The following LRRC4C variants were observed in gnomAD, a reference collection of about 807,000 sequenced individuals.
The protein encoded by LRRC4C is leucine-rich repeat-containing protein 4C.
Under a neutral mutation model 33.6 loss-of-function variants are expected in LRRC4C, and 5 were observed. That is an observed-to-expected ratio of 0.15 (90% CI 0.08 to 0.31). The LOEUF is 0.31. LRRC4C is among the 10% of genes least tolerant of loss of function. The probability of loss-of-function intolerance (pLI) is 1.00; values close to 1 mark genes in which losing one functional copy is unlikely to be tolerated. For missense variants in LRRC4C, 560 were observed against 796.7 expected (o/e 0.70, Z 3.58); for synonymous variants, 329 against 302.0 (o/e 1.09, Z -0.93).
intron 3 of LRRC4C, among the ~76,000 whole-genome samples, chr11:40,635,628 A>ATTTTTTTTTTTTTTT (rs71060975): frequency 1.1e-5 from 1 of 92,198 alleles, no homozygotes; most frequent in African/African-American, 4.0e-5. Flanking sequence ...AAAGAACCAA[A>ATTTTTTTTTTTTTTT]TTTTTTTTTT....
chr11:41,439,083 T>C (rs1955531348), intron 1 of LRRC4C, among the ~76,000 whole-genome samples: 1 of 152,160 alleles, frequency 6.6e-6, no homozygotes, highest in Non-Finnish European at 1.5e-5. Flanking sequence ...GAGTCTCCAA[T>C]GTCTATTATG....
intron 1 of LRRC4C, among the ~76,000 whole-genome samples, chr11:41,138,305 A>G (rs1056134080): frequency 1.3e-5 from 2 of 152,198 alleles, no homozygotes; most frequent in African/African-American, 4.8e-5. Flanking sequence ...TCCAGCACCT[A>G]TGGTTGTGGG....
At chr11:40,647,954 C>T (rs529317591) in intron 3 of LRRC4C, among the ~76,000 whole-genome samples, 188 bp downstream of exon 3, 7 of 152,178 alleles carry the variant, frequency 4.6e-5, no homozygotes, top group Admixed American at 4.6e-4. Flanking sequence ...GACTGAAGCC[C>T]AAATGAACAA....
intron 1 of LRRC4C, among the ~76,000 whole-genome samples, chr11:41,209,475 A>G (rs888526528): frequency 1.3e-5 from 2 of 151,596 alleles, no homozygotes; most frequent in Non-Finnish European, 2.9e-5. Flanking sequence ...GGTCTAATAT[A>G]TATTTGATTT....
intron 1 of LRRC4C, among the ~76,000 whole-genome samples, chr11:41,200,738 C>G (rs931680541): frequency 6.6e-6 from 1 of 152,052 alleles, no homozygotes; most frequent in Non-Finnish European, 1.5e-5. Context: ...TATGGCCCCC[C>G]CAAAAACTAT....
At chr11:40,692,806 T>C (rs1945285982) in intron 2 of LRRC4C, among the ~76,000 whole-genome samples, 1 of 152,130 alleles carries the variant, frequency 6.6e-6, no homozygotes, top group South Asian at 2.1e-4. Flanking sequence ...TATAGGGTGA[T>C]GTGAATTCCA....
chr11:40,589,274 G>C (rs1313409087), intron 3 of LRRC4C, among the ~76,000 whole-genome samples: 2 of 152,068 alleles, frequency 1.3e-5, no homozygotes, highest in African/African-American at 2.4e-5. Context: ...TTTAAAGTCT[G>C]TTTTATCAGA....
chr11:40,784,984 C>G (rs1475508320), intron 2 of LRRC4C, among the ~76,000 whole-genome samples: 4 of 152,192 alleles, frequency 2.6e-5, no homozygotes, highest in South Asian at 4.1e-4. Context: ...CGTCAGCCGA[C>G]AGAAAGAGAA....
chr11:41,367,490 C>T (rs773070505), intron 1 of LRRC4C, among the ~76,000 whole-genome samples: 7 of 152,144 alleles, frequency 4.6e-5, no homozygotes, highest in Non-Finnish European at 8.8e-5. Context: ...AGTGAAAGGA[C>T]TATGAGTTTT....
intron 3 of LRRC4C, among the ~76,000 whole-genome samples, chr11:40,425,049 G>A (rs1950660774): frequency 6.6e-6 from 1 of 152,064 alleles, no homozygotes; most frequent in Non-Finnish European, 1.5e-5. Flanking sequence ...TGCTACCGAG[G>A]TGTACAAAAC....
At chr11:40,561,405 T>G (rs1957541198) in intron 3 of LRRC4C, among the ~76,000 whole-genome samples, 1 of 123,208 alleles carries the variant, frequency 8.1e-6, no homozygotes. Flanking sequence ...GTTCTGAGGA[T>G]TCCTTTTTTT....
intron 1 of LRRC4C, among the ~76,000 whole-genome samples, chr11:41,346,103 CA>C (rs953813552): frequency 1.3e-5 from 2 of 152,148 alleles, no homozygotes; most frequent in African/African-American, 4.8e-5. Context: ...ACCAAAATTT[CA>C]GAACAAATTA....
intron 5 of LRRC4C, among the ~76,000 whole-genome samples, chr11:40,179,481 C>CT (rs752512184): frequency 5.9e-5 from 9 of 152,160 alleles, no homozygotes; most frequent in African/African-American, 9.7e-5. Flanking sequence ...AATTGAACAT[C>CT]TCTTGTGCAA....
intron 1 of LRRC4C, among the ~76,000 whole-genome samples, chr11:41,107,142 A>G (rs997917892): frequency 2.0e-5 from 3 of 151,744 alleles, no homozygotes; most frequent in Non-Finnish European, 2.9e-5. Context: ...CCAAAATTCA[A>G]AATGCTCCAA....
At chr11:40,208,601 G>A (rs554078490) in intron 5 of LRRC4C, among the ~76,000 whole-genome samples, 3 of 152,166 alleles carry the variant, frequency 2.0e-5, no homozygotes, top group African/African-American at 7.2e-5. Context: ...ACAACTGAAA[G>A]CTATTTTTCC....
chr11:40,711,407 T>C (rs1442349084), intron 2 of LRRC4C, among the ~76,000 whole-genome samples: 1 of 152,194 alleles, frequency 6.6e-6, no homozygotes, highest in African/African-American at 2.4e-5. Flanking sequence ...GGAGCTATCT[T>C]ATCTTCCCCA....
intron 1 of LRRC4C, among the ~76,000 whole-genome samples, chr11:41,311,704 A>C (rs1025583092): frequency 1.4e-4 from 21 of 152,220 alleles, no homozygotes; most frequent in African/African-American, 4.8e-4. Context: ...TCATTATTTT[A>C]CCAGCTAGAA....
intron 3 of LRRC4C, among the ~76,000 whole-genome samples, chr11:40,503,154 A>C (rs1654395880): frequency 6.6e-6 from 1 of 152,192 alleles, no homozygotes; most frequent in African/African-American, 2.4e-5. Context: ...AGCTTCTGCT[A>C]CCTGGTAGTT....
At chr11:40,302,316 C>T (rs1173562217) in intron 4 of LRRC4C, among the ~76,000 whole-genome samples, 1 of 152,130 alleles carries the variant, frequency 6.6e-6, no homozygotes, top group Non-Finnish European at 1.5e-5. Flanking sequence ...ACAATTATGT[C>T]ACATTGAATT....
Sources: allele counts gnomAD v4.1 joint callset (sites outside exome capture counted in the v4.1 genomes callset), GRCh38; gene constraint gnomAD v4.1.1; transcripts MANE v1.5; gene names NCBI Gene and HGNC (gene_info 2026-07-23, HGNC 2026-07-21).